The following UNC5A variants were observed in gnomAD, a reference collection of about 807,000 sequenced individuals.
UNC5A encodes unc-5 netrin receptor A, also known as netrin receptor UNC5A.
A neutral mutation model predicts 87.4 loss-of-function variants in UNC5A; 20 were observed. That is an observed-to-expected ratio of 0.23 (90% CI 0.16 to 0.33). The LOEUF is 0.33. Ranked by LOEUF, UNC5A falls within the 10% of genes least tolerant of loss-of-function variation. The pLI, the probability that UNC5A is intolerant of heterozygous loss-of-function variation, is 1.00. For missense variants in UNC5A, 844 were observed against 1,133.4 expected (o/e 0.74, Z 3.67); for synonymous variants, 438 against 482.3 (o/e 0.91, Z 1.20).
chr5:176,815,032 G>A (rs924869792), intron 1 of UNC5A, among the ~76,000 whole-genome samples: 4 of 152,336 alleles, frequency 2.6e-5, no homozygotes, highest in Non-Finnish European at 5.9e-5. Flanking sequence ...CCAGCCACGT[G>A]TATGGACAGC....
In UNC5A at chr5:176,877,628, G is replaced by A. The variant is rs147274124; in HGVS notation, c.1560G>A (p.Met520Ile). 8 of 1,612,572 alleles carry A rather than the reference G, an allele frequency of 5.0e-6. No homozygotes were observed. The African/African-American group carries it at 1.1e-4, about 22-fold the overall frequency. Residue 520 changes from methionine to isoleucine, a missense_variant, in exon 10 of 15, where the codon ATG (methionine) becomes ATA (isoleucine). Physicochemically the swap from Met to Ile is conservative, Grantham distance 10. Coordinates refer to ENST00000329542, the MANE Select transcript of UNC5A (RefSeq NM_133369.3). ...VLLTRPVILA[M>I]DHCGEPSPDS... is the part of the protein sequence containing the mutation. ...TCACCCGGCCAGTCATCCTGGCTAT[G>A]GACCACTGTGGGGAGCCCAGCCCTG...
chr5:176,869,324 G>A lies in UNC5A; in HGVS notation c.721+360G>A, dbSNP rs1758053668. Among the ~76,000 whole-genome samples, 1 of 152,138 alleles carries A rather than the reference G, an allele frequency of 6.6e-6. No homozygotes were observed. The highest frequency in any genetic ancestry group is 2.4e-5 in the African/African-American group (1 of 41,418). ...CCAGGAGCCAGCAGAGGGAGGGTGC[G>A]GGAGTCACCCCAGGAGAGGCTGGGG... is the stretch of plus-strand genomic sequence containing the variant. On this transcript the variant is annotated intron_variant, in intron 5 of 14. Transcript: ENST00000329542. The surrounding 1 kb of genome is among the most constrained non-coding windows in gnomAD (Gnocchi z 9.1).
rs1417360363 is a variant in UNC5A, at chr5:176,865,683, C to T, written c.293-2447C>T. On this transcript the variant is annotated intron_variant, in intron 2 of 14. Transcript: ENST00000329542. This position sits in a 1 kb window ranked among gnomAD's most constrained non-coding sequence, Gnocchi z 5.3. ...GGCAGTGGCGCCACGCCGCCAAAGACCAAAGACCCCAAACCAGAAACGTTC... is the reference window on the plus strand; with the variant it reads ...GGCAGTGGCGCCACGCCGCCAAAGATCAAAGACCCCAAACCAGAAACGTTC... The T allele has an allele frequency of 4.4e-6, 2 of 456,554 alleles. No individual in the cohort carries two copies. The highest frequency in any genetic ancestry group is 8.8e-6 in the Non-Finnish European group (2 of 226,998). 28.3% of individuals were successfully genotyped at this position (456,554 alleles called of 1,614,324 possible). A position where few individuals can be genotyped will look rare whatever the true frequency, so the allele number is the denominator to read the frequency against.
chr5:176,877,305 G>A, intron 9 of UNC5A, 26 bp downstream of exon 9: 1 of 1,594,678 alleles, frequency 6.3e-7, no homozygotes, highest in East Asian at 2.2e-5. Flanking sequence ...CTGTTGCCGG[G>A]GGTGGGAGGG....
rs780966876 is a variant in UNC5A at position 176,874,277 on chromosome 5, G to A, written c.1089G>A (p.Leu363=). Residue 363 remains leucine, a synonymous_variant, in exon 8 of 15, where the codon CTG becomes CTA. Coordinates refer to ENST00000329542, the MANE Select transcript of UNC5A (RefSeq NM_133369.3). The surrounding 1 kb of genome is among the most constrained non-coding windows in gnomAD (Gnocchi z 7.6). The part of the protein sequence containing the change: ...IKPSKADNPH[L]LTIQPDLSTT... ...TTTATCCTGCAGACAACCCCCATCT[G>A]CTCACCATCCAGCCGGACCTCAGCA... 2.5e-6 allele frequency: 4 copies of A among 1,591,310 alleles called. No homozygotes were observed. The highest frequency in any genetic ancestry group is 3.4e-6 in the Non-Finnish European group (4 of 1,167,052).
At chr5:176,861,409 C>T (rs1048251892) in intron 1 of UNC5A, among the ~76,000 whole-genome samples, 7 of 152,184 alleles carry the variant, frequency 4.6e-5, no homozygotes, top group African/African-American at 9.6e-5. Context: ...CCCTCCAGGG[C>T]GCCTGCAGGA....
At position 176,873,952 on chromosome 5, in the gene UNC5A, A is replaced by G. The variant is rs2149369103; in HGVS notation, c.887-16A>G. On this transcript the variant is annotated splice_polypyrimidine_tract_variant and intron_variant, in intron 6 of 14. Transcript: ENST00000329542. Reference sequence around the variant, plus strand: ...CTACACCCCTGCCCCCACCAAGGCCATGCTGTCTCCCGCAGCTGCTTCTGG... The same window carrying G: ...CTACACCCCTGCCCCCACCAAGGCCGTGCTGTCTCCCGCAGCTGCTTCTGG... 2 of 1,610,210 alleles carry G rather than the reference A, an allele frequency of 1.2e-6. No homozygotes were observed. The highest frequency in any genetic ancestry group is 2.2e-5 in the South Asian group (2 of 90,966).
At chr5:176,856,345 C>T (rs914552678) in intron 1 of UNC5A, among the ~76,000 whole-genome samples, 1 of 152,174 alleles carries the variant, frequency 6.6e-6, no homozygotes, top group Admixed American at 6.5e-5. Context: ...TTCTCCTGCC[C>T]GCCACTCCGC....
At chr5:176,833,644 G>C (rs1000448732) in intron 1 of UNC5A, among the ~76,000 whole-genome samples, 2 of 152,092 alleles carry the variant, frequency 1.3e-5, no homozygotes, top group African/African-American at 4.8e-5. Flanking sequence ...CATAGCCCAT[G>C]AGTCTCTGCC....
At chr5:176,825,851 A>G (rs1323082843) in intron 1 of UNC5A, among the ~76,000 whole-genome samples, 1 of 150,794 alleles carries the variant, frequency 6.6e-6, no homozygotes. Flanking sequence ...TTAAATAAAC[A>G]TTTATTGAGC....
chr5:176,828,452 C>T (rs1756907510), intron 1 of UNC5A, among the ~76,000 whole-genome samples: 1 of 151,934 alleles, frequency 6.6e-6, no homozygotes. Context: ...GGTGGCAGGA[C>T]CAGGGAGTAG....
chr5:176,857,113 G>T (rs140030452), intron 1 of UNC5A, among the ~76,000 whole-genome samples: 1 of 152,140 alleles, frequency 6.6e-6, no homozygotes, highest in Non-Finnish European at 1.5e-5. Context: ...CCTCTCACCC[G>T]CCCCTTTCTG....
chr5:176,818,321 G>C (rs1756643913), intron 1 of UNC5A, among the ~76,000 whole-genome samples: 1 of 152,220 alleles, frequency 6.6e-6, no homozygotes, highest in African/African-American at 2.4e-5. Context: ...GCACCGACTT[G>C]CCCCAGGTCC....
In UNC5A at chr5:176,865,770, T is replaced by C. The variant is rs1313452293; in HGVS notation, c.293-2360T>C. On this transcript the variant is annotated intron_variant, in intron 2 of 14. Transcript: ENST00000329542. The surrounding 1 kb of genome is among the most constrained non-coding windows in gnomAD (Gnocchi z 5.3). Reference sequence around the variant, plus strand: ...CCCAGCTCTGCAGCCCACTCATTCATGTGTGGGGCTGGAGGTGGCCGGATG... The same window carrying C: ...CCCAGCTCTGCAGCCCACTCATTCACGTGTGGGGCTGGAGGTGGCCGGATG... 4.6e-6 allele frequency: 2 copies of C among 436,164 alleles called. No individual in the cohort carries two copies. The highest frequency in any genetic ancestry group is 2.5e-5 in the Admixed American group (1 of 40,110). 27.0% of individuals were successfully genotyped at this position (436,164 alleles called of 1,614,324 possible). A position where few individuals can be genotyped will look rare whatever the true frequency, so the allele number is the denominator to read the frequency against.
At position 176,879,405 on chromosome 5, in the gene UNC5A, G is replaced by T. The variant is rs377065499; in HGVS notation, c.2280G>T (p.Arg760=). 12 of 1,612,940 alleles carry T rather than the reference G, an allele frequency of 7.4e-6. No homozygotes were observed. Among genetic ancestry groups the T allele is most frequent in the Non-Finnish European group, 1.0e-5 (12 of 1,179,904 alleles). The change falls in exon 14 of 15, where the codon CGG becomes CGT. Residue 760 remains arginine, a synonymous_variant. Coordinates refer to ENST00000329542, the MANE Select transcript of UNC5A (RefSeq NM_133369.3). ...PSAFKIPFLI[R]QKIISSLDPP... The stretch of plus-strand genomic sequence containing the variant: ...CCTTCAAGATCCCCTTCCTCATTCG[G>T]CAGAAGATAATTTCCAGCCTGGACC...
chr5:176,876,131 C>T (rs532403387), intron 8 of UNC5A, among the ~76,000 whole-genome samples: 62 of 152,324 alleles, frequency 4.1e-4, no homozygotes, highest in Non-Finnish European at 6.6e-4. Flanking sequence ...TTTCCTTCGC[C>T]GTCCTGAGTA....
Position 176,874,461 on chromosome 5 carries a change from C to G in UNC5A, c.1273C>G (p.Arg425Gly). 6.2e-7 allele frequency: 1 copy of G among 1,613,366 alleles called. No homozygotes were observed. The change falls in exon 8 of 15, where the codon CGC becomes GGC. Residue 425 changes from arginine to glycine, a missense_variant. Coordinates refer to ENST00000329542, the MANE Select transcript of UNC5A (RefSeq NM_133369.3). This position sits in a 1 kb window ranked among gnomAD's most constrained non-coding sequence, Gnocchi z 7.6. ...CTCTGAGGCCGAGGAGTTCGTCTCC[C>G]GCCTCTCCACCCAGAACTACTTCCG... is the stretch of plus-strand genomic sequence containing the variant. Reference protein sequence around the residue: ...PTSEAEEFVSRLSTQNYFRSL... With the variant: ...PTSEAEEFVSGLSTQNYFRSL...
At chr5:176,812,998 C>G (rs1218624236) in intron 1 of UNC5A, among the ~76,000 whole-genome samples, 2 of 152,216 alleles carry the variant, frequency 1.3e-5, no homozygotes, top group Non-Finnish European at 2.9e-5. Context: ...GGCCAGCGGG[C>G]AGCAGGGGGC....
intron 6 of UNC5A, among the ~76,000 whole-genome samples, chr5:176,872,614 C>T (rs1205585637): frequency 7.0e-6 from 1 of 143,018 alleles, no homozygotes; most frequent in Non-Finnish European, 1.5e-5. Context: ...CATCTGTCCA[C>T]GCTCACCAAC....
Sources: gnomAD v4.1 joint callset for allele counts (sites outside exome capture counted in the v4.1 genomes callset) on GRCh38, gnomAD v4.1.1 for gene constraint, Gnocchi (gnomAD v3.1) non-coding constraint, MANE v1.5 for transcripts, NCBI Gene and HGNC (gene_info 2026-07-23, HGNC 2026-07-21) for gene names.